SYN2: variants seen among roughly 807,000 people sequenced by gnomAD.
SYN2 encodes synapsin II.
A neutral mutation model predicts 50.9 loss-of-function variants in SYN2; 19 were observed. The observed-to-expected ratio is 0.37, with a 90% CI of 0.26 to 0.55. The LOEUF is 0.55. Among genes scored for constraint, SYN2 ranks in the 20% least tolerant of loss-of-function variants. SYN2 has a pLI of 0.81. For missense variants in SYN2, 587 were observed against 576.4 expected, an observed-to-expected ratio of 1.02 and a Z score of -0.19; for synonymous variants, 255 against 224.9, an observed-to-expected ratio of 1.13 and a Z score of -1.20.
chr3:12,078,822 T>C (rs1408319702), intron 1 of SYN2, among the ~76,000 whole-genome samples: 1 of 152,222 alleles, frequency 6.6e-6, no homozygotes, highest in East Asian at 1.9e-4. Flanking sequence ...TTAAAATACT[T>C]TCTTCTAATT....
intron 1 of SYN2, among the ~76,000 whole-genome samples, chr3:12,117,873 C>T (rs1696467048): frequency 6.6e-6 from 1 of 152,162 alleles, no homozygotes; most frequent in South Asian, 2.1e-4. Context: ...CCTATCTTGG[C>T]CCTCTGTGCC....
At chr3:12,037,650 A>C (rs930898919) in intron 1 of SYN2, among the ~76,000 whole-genome samples, 1 of 151,982 alleles carries the variant, frequency 6.6e-6, no homozygotes, top group Non-Finnish European at 1.5e-5. Flanking sequence ...TCAAGAACCT[A>C]CTCCTGAAAT....
chr3:12,097,829 G>T (rs1185352942), intron 1 of SYN2, among the ~76,000 whole-genome samples: 1 of 152,106 alleles, frequency 6.6e-6, no homozygotes, highest in East Asian at 1.9e-4. Context: ...ACAGAGTGGG[G>T]AACATCACAC....
chr3:12,052,743 A>C (rs1375327484), intron 1 of SYN2, among the ~76,000 whole-genome samples: 3 of 152,222 alleles, frequency 2.0e-5, no homozygotes, highest in East Asian at 1.9e-4. Flanking sequence ...AGCCTTGGTC[A>C]TGTCTCCTTT....
intron 1 of SYN2, among the ~76,000 whole-genome samples, chr3:12,108,347 C>T (rs187296895): frequency 1.2e-3 from 190 of 152,250 alleles, no homozygotes; most frequent in African/African-American, 4.2e-3. Flanking sequence ...GGTGGCAAAG[C>T]GTGGATGAAA....
rs1240750913 is a variant in SYN2 at position 12,046,304 on chromosome 3, T to C, written c.377+41376T>C. Among the ~76,000 whole-genome samples the C allele has an allele frequency of 2.0e-5, 3 of 152,110 alleles. No individual in the cohort carries two copies. The East Asian group carries it at 5.8e-4, about 29-fold the overall frequency. ...ACCTGAAGGATGAATAGGAGTTGGC[T>C]AGGTAAATAAGGAGAGCAACATCCT... On this transcript the variant is annotated intron_variant, in intron 1 of 12. Coordinates refer to ENST00000621198, the MANE Select transcript of SYN2 (RefSeq NM_133625.6).
chr3:12,140,251 C>G (rs308963), intron 1 of SYN2, among the ~76,000 whole-genome samples: 96,894 of 152,024 alleles, frequency 0.64, 33,542 homozygotes, highest in South Asian at 0.78. Flanking sequence ...ACTAAAAATC[C>G]AAGGGTGGAT....
intron 1 of SYN2, among the ~76,000 whole-genome samples, chr3:12,061,061 G>A (rs750032254): frequency 6.6e-6 from 1 of 152,134 alleles, no homozygotes; most frequent in Non-Finnish European, 1.5e-5. Context: ...TGAATGAAAA[G>A]CAAATGCTAT....
At chr3:12,162,209 C>G (rs1373295448) in intron 7 of SYN2, 55 bp downstream of exon 7, 14 of 1,587,366 alleles carry the variant, frequency 8.8e-6, no homozygotes, top group Non-Finnish European at 1.1e-5. Flanking sequence ...AGCTGAGCCT[C>G]CACATTGCAG....
intron 3 of SYN2, among the ~76,000 whole-genome samples, chr3:12,144,986 G>A (rs749200512): frequency 3.7e-4 from 57 of 152,098 alleles, no homozygotes; most frequent in Non-Finnish European, 6.6e-4. Context: ...AGCTGAGATC[G>A]CGCCACTGCA....
intron 1 of SYN2, among the ~76,000 whole-genome samples, chr3:12,110,114 A>G (rs1017651943): frequency 1.3e-5 from 2 of 152,184 alleles, no homozygotes; most frequent in Admixed American, 6.5e-5. Flanking sequence ...GCTTGAGCCC[A>G]GGGTTCAAGT....
At chr3:12,166,885 T>C (rs1697811616) in intron 7 of SYN2, among the ~76,000 whole-genome samples, 1 of 152,146 alleles carries the variant, frequency 6.6e-6, no homozygotes, top group Admixed American at 6.5e-5. Context: ...AGCTTAAGAC[T>C]CAGATCAAAT....
At chr3:12,106,045 T>C (rs1002452330) in intron 1 of SYN2, among the ~76,000 whole-genome samples, 11 of 152,188 alleles carry the variant, frequency 7.2e-5, no homozygotes, top group African/African-American at 2.7e-4. Flanking sequence ...TGAGTTCTTA[T>C]CTGGAGACAC....
chr3:12,161,740 C>T, intron 6 of SYN2, 132 bp downstream of exon 6: 2 of 1,184,416 alleles, frequency 1.7e-6, no homozygotes, highest in Non-Finnish European at 2.4e-6. Context: ...TTTGCCACCT[C>T]TAAAGCCATG....
chr3:12,132,132 A>G (rs1403973074), intron 1 of SYN2, among the ~76,000 whole-genome samples: 1 of 147,016 alleles, frequency 6.8e-6, no homozygotes, highest in African/African-American at 2.6e-5. Context: ...TCAGCCTCCC[A>G]GGTAGTTTGG....
chr3:12,081,203 T>C (rs1180241872), intron 1 of SYN2, among the ~76,000 whole-genome samples: 1 of 152,188 alleles, frequency 6.6e-6, no homozygotes, highest in Non-Finnish European at 1.5e-5. Flanking sequence ...AATCTGCCTT[T>C]TATTTATGCA....
chr3:12,157,941 A>AGC (rs1697506606), intron 5 of SYN2, among the ~76,000 whole-genome samples: 1 of 152,246 alleles, frequency 6.6e-6, no homozygotes, highest in Non-Finnish European at 1.5e-5. Flanking sequence ...GAGGTATTGC[A>AGC]TCTCTTGCCA....
Position 12,105,337 on chromosome 3 carries a change from C to T in SYN2, c.378-35314C>T, listed in dbSNP as rs1040314482. Among the ~76,000 whole-genome samples the T allele has an allele frequency of 8.6e-5, 13 of 151,776 alleles. 1 individual carries two copies. Among genetic ancestry groups the T allele is most frequent in the Admixed American group, 2.0e-4 (3 of 15,248 alleles). On this transcript the variant is annotated intron_variant, in intron 1 of 12. Coordinates refer to ENST00000621198, the MANE Select transcript of SYN2 (RefSeq NM_133625.6). ...CCAAATATATCTTACCCTTACATGGCGAGAAGTAACCTTGATCTCCTCTAA... is the reference window on the plus strand; with the variant it reads ...CCAAATATATCTTACCCTTACATGGTGAGAAGTAACCTTGATCTCCTCTAA...
intron 1 of SYN2, among the ~76,000 whole-genome samples, chr3:12,045,672 G>C (rs931258433): frequency 2.0e-5 from 3 of 152,130 alleles, no homozygotes; most frequent in African/African-American, 7.2e-5. Flanking sequence ...CACATACCCT[G>C]CATTGTACTG....
Sources: allele counts gnomAD v4.1 joint callset (sites outside exome capture counted in the v4.1 genomes callset), GRCh38; gene constraint gnomAD v4.1.1; transcripts MANE v1.5; gene names NCBI Gene and HGNC (gene_info 2026-07-23, HGNC 2026-07-21).